MLLT10: variants seen among roughly 807,000 people sequenced by gnomAD.
The protein encoded by MLLT10 is MLLT10 histone lysine methyltransferase DOT1L cofactor.
In MLLT10, 30 loss-of-function variants were observed where a neutral mutation model predicts 129.1. That is an observed-to-expected ratio of 0.23 (90% CI 0.17 to 0.32). The LOEUF (loss-of-function observed/expected upper bound fraction) is 0.32. Among genes scored for constraint, MLLT10 ranks in the 10% least tolerant of loss-of-function variants. The pLI, the probability that MLLT10 is intolerant of heterozygous loss-of-function variation, is 1.00. For missense variants in MLLT10, 1,119 were observed against 1,268.3 expected (o/e 0.88, Z 1.79); for synonymous variants, 490 against 446.4 (o/e 1.10, Z -1.23).
rs201227943 is a variant in MLLT10 at position 21,693,012 on chromosome 10, GA to G, written c.1699+10765del. ...TTCTTTTAATCTTTTTAAAGAAACA[GA>G]AAAAAAAAATCACTGTGTAGTATGT... On this transcript the variant is annotated intron_variant, in intron 13 of 22. Coordinates refer to ENST00000307729, the MANE Select transcript of MLLT10 (RefSeq NM_001195626.3). Among the ~76,000 whole-genome samples the G allele has an allele frequency of 1.3e-3, 196 of 148,938 alleles. 1 individual carries two copies. Among genetic ancestry groups the G allele is most frequent in the African/African-American group, 4.2e-3 (169 of 40,708 alleles).
intron 3 of MLLT10, among the ~76,000 whole-genome samples, chr10:21,568,973 A>G (rs2039900321): frequency 6.6e-6 from 1 of 152,148 alleles, no homozygotes; most frequent in Non-Finnish European, 1.5e-5. Flanking sequence ...GATTCCAAAT[A>G]TTGGGATTGT....
intron 9 of MLLT10, among the ~76,000 whole-genome samples, chr10:21,667,942 G>T (rs762021178): frequency 1.3e-5 from 2 of 152,066 alleles, no homozygotes; most frequent in African/African-American, 4.8e-5. Context: ...TAAAAATGAC[G>T]TGTATTCTGA....
At chr10:21,694,792 T>TA (rs958722202) in intron 13 of MLLT10, among the ~76,000 whole-genome samples, 2 of 152,206 alleles carry the variant, frequency 1.3e-5, no homozygotes, top group Non-Finnish European at 2.9e-5. Flanking sequence ...TATCATATTT[T>TA]ACCAGTAGAA....
chr10:21,667,473 C>T (rs1357461145), intron 9 of MLLT10, among the ~76,000 whole-genome samples: 3 of 146,126 alleles, frequency 2.1e-5, no homozygotes, highest in African/African-American at 7.6e-5. Context: ...TTTGAGTATT[C>T]TAGTAGCATG....
intron 13 of MLLT10, among the ~76,000 whole-genome samples, chr10:21,693,007 A>C (rs1328109405): frequency 6.6e-6 from 1 of 152,108 alleles, no homozygotes; most frequent in Non-Finnish European, 1.5e-5. Flanking sequence ...CTTTTTAAAG[A>C]AACAGAAAAA....
intron 9 of MLLT10, among the ~76,000 whole-genome samples, chr10:21,669,890 A>G (rs1272996648): frequency 2.6e-5 from 4 of 152,094 alleles, no homozygotes; most frequent in Non-Finnish European, 4.4e-5. Context: ...CAACATAACA[A>G]TTGGAAAAAT....
intron 13 of MLLT10, 82 bp from the exon 14 acceptor site, chr10:21,713,690 G>GA: frequency 8.2e-7 from 1 of 1,216,250 alleles, no homozygotes; most frequent in South Asian, 1.6e-5. Context: ...GATCCAGGAG[G>GA]AAATGCAAGT....
At chr10:21,688,689 G>C (rs769175581) in intron 13 of MLLT10, 16 of 560,222 alleles carry the variant, frequency 2.9e-5, no homozygotes, top group Non-Finnish European at 1.5e-5. Context: ...AACCTTGGGT[G>C]GTAGGTGGGA....
In MLLT10 at chr10:21,673,807, T is replaced by C. The variant is rs1341558403; in HGVS notation, c.1509T>C (p.Ser503=). Residue 503 remains serine (S), a synonymous_variant, in exon 11 of 23, where the codon TCT becomes TCC. Transcript: ENST00000307729. The part of the protein sequence containing the change: ...LSVSSASPTS[S]VASAAGSITS... ...TTTCTTCTGCTTCACCAACATCATC[T>C]GTAGCATCAGCTGCAGGAAGCATAA... 2 of 1,614,104 alleles carry C rather than the reference T, an allele frequency of 1.2e-6. No individual in the cohort carries two copies. The highest frequency in any genetic ancestry group is 3.3e-5 in the Admixed American group (2 of 60,006).
intron 3 of MLLT10, among the ~76,000 whole-genome samples, chr10:21,545,403 C>T (rs2035911012): frequency 6.6e-6 from 1 of 151,930 alleles, no homozygotes; most frequent in South Asian, 2.1e-4. Flanking sequence ...AGTGACAGTA[C>T]TGCCAGGAAC....
At chr10:21,578,471 A>C (rs2041025838) in intron 3 of MLLT10, among the ~76,000 whole-genome samples, 1 of 152,108 alleles carries the variant, frequency 6.6e-6, no homozygotes, top group Admixed American at 6.6e-5. Context: ...AGGTTTGGTA[A>C]ATTCTAGTTA....
intron 6 of MLLT10, 126 bp from the exon 7 acceptor site, chr10:21,614,705 T>G: frequency 5.9e-6 from 4 of 675,194 alleles, no homozygotes; most frequent in South Asian, 5.4e-5. Flanking sequence ...TTTTATTTTC[T>G]CATTTTTTTC....
intron 14 of MLLT10, among the ~76,000 whole-genome samples, chr10:21,720,192 A>G (rs2057028230): frequency 6.6e-6 from 1 of 152,216 alleles, no homozygotes; most frequent in African/African-American, 2.4e-5. Flanking sequence ...ATTGTGGGGC[A>G]TTTTGGCATT....
intron 14 of MLLT10, among the ~76,000 whole-genome samples, chr10:21,715,623 T>C (rs548109376): frequency 3.6e-4 from 55 of 152,352 alleles, no homozygotes; most frequent in African/African-American, 1.3e-3. Context: ...TTAATTACCC[T>C]CTGGTTACTT....
chr10:21,566,354 A>C (rs1221597974), intron 3 of MLLT10, among the ~76,000 whole-genome samples: 27 of 145,962 alleles, frequency 1.8e-4, no homozygotes, highest in African/African-American at 6.6e-4. Context: ...TTTTTGAGAC[A>C]AAGTCTTACT....
At chr10:21,589,891 TCCTTTC>T (rs1195021967) in intron 4 of MLLT10, among the ~76,000 whole-genome samples, 4 of 145,348 alleles carry the variant, frequency 2.8e-5, no homozygotes, top group Admixed American at 1.4e-4. Context: ...TTTCCCCCTT[TCCTTTC>T]CCTTTCCCTT....
chr10:21,604,132 G>T (rs1224197189), intron 5 of MLLT10, among the ~76,000 whole-genome samples: 1 of 152,078 alleles, frequency 6.6e-6, no homozygotes. Flanking sequence ...ATACAAAATA[G>T]GTGTGCTGTA....
At chr10:21,697,405 G>T (rs759186798) in intron 13 of MLLT10, among the ~76,000 whole-genome samples, 1 of 152,210 alleles carries the variant, frequency 6.6e-6, no homozygotes, top group South Asian at 2.1e-4. Flanking sequence ...GGTGGTGGTT[G>T]CAGTGAGCTG....
At chr10:21,536,927 G>A (rs1297706854) in intron 2 of MLLT10, among the ~76,000 whole-genome samples, 1 of 152,062 alleles carries the variant, frequency 6.6e-6, no homozygotes, top group Non-Finnish European at 1.5e-5. Context: ...GGGATTGCAG[G>A]CATGGACCAC....
Sources: gnomAD v4.1 joint callset for allele counts (sites outside exome capture counted in the v4.1 genomes callset) on GRCh38, gnomAD v4.1.1 for gene constraint, MANE v1.5 for transcripts, NCBI Gene and HGNC (gene_info 2026-07-23, HGNC 2026-07-21) for gene names.